FAAP24: variants seen among roughly 807,000 people sequenced by gnomAD.
FAAP24 encodes the protein FA core complex associated protein 24, also known as Fanconi anemia core complex-associated protein 24.
Under a neutral mutation model 14.3 loss-of-function variants are expected in FAAP24, and 16 were observed. The ratio of observed to expected loss-of-function variants is 1.12; its 90% CI spans 0.76 to 1.69. The LOEUF (loss-of-function observed/expected upper bound fraction) is 1.69, where lower values mean the gene tolerates loss of function less well. FAAP24 is among the 40% of genes most tolerant of loss of function. The pLI is 0.00. For missense variants in FAAP24, 234 were observed against 262.7 expected (o/e 0.89, Z 0.75); for synonymous variants, 111 against 106.2 (o/e 1.04, Z -0.28).
intron 1 of FAAP24, among the ~76,000 whole-genome samples, chr19:32,972,890 A>G (rs1227476090): frequency 6.6e-6 from 1 of 150,492 alleles, no homozygotes. Flanking sequence ...ATTTTTTTGT[A>G]TTTTTAGTAG....
At chr19:32,972,469 A>G (rs1000548613) in intron 1 of FAAP24, 123 bp downstream of exon 1, 3 of 398,442 alleles carry the variant, frequency 7.5e-6, no homozygotes, top group African/African-American at 4.1e-5. Context: ...GGCAAACGGG[A>G]TCTCGCTGTA....
chr19:32,974,235 T>G, intron 4 of FAAP24, 23 bp downstream of exon 4: 1 of 1,606,014 alleles, frequency 6.2e-7, no homozygotes, highest in Non-Finnish European at 8.5e-7. Flanking sequence ...TCCTACACCT[T>G]CGTGGTAGTC....
At chr19:32,976,216 A>C (rs1971514377) in intron 4 of FAAP24, among the ~76,000 whole-genome samples, 1 of 152,242 alleles carries the variant, frequency 6.6e-6, no homozygotes, top group South Asian at 2.1e-4. Context: ...GAAAACGCAC[A>C]TTTTTGTAAA....
rs1332244948 is a variant in FAAP24, at chr19:32,977,663, G to A, written c.*981G>A. The stretch of plus-strand genomic sequence containing the variant: ...CGGCCGGGCATAGTGGCTCACACCT[G>A]TAATCCCAGCACTTTGGGAGGCCAA... On this transcript the variant is annotated 3_prime_UTR_variant, in exon 5 of 5. Transcript: ENST00000588258. 2.6e-6 allele frequency: 1 copy of A among 378,308 alleles called. No individual in the cohort carries two copies. The highest frequency in any genetic ancestry group is 4.7e-6 in the Non-Finnish European group (1 of 214,356). The allele number at this position is 378,308 out of a possible 1,614,324, so 23.4% of individuals were successfully genotyped here. A position where few individuals can be genotyped will look rare whatever the true frequency, so the allele number is the denominator to read the frequency against.
Position 32,976,719 on chromosome 19 carries a change from C to T in FAAP24, c.*37C>T. The T allele has an allele frequency of 6.2e-7, 1 of 1,604,322 alleles. No individual in the cohort carries two copies. Among genetic ancestry groups the T allele is most frequent in the South Asian group, 1.1e-5 (1 of 90,704 alleles). On this transcript the variant is annotated 3_prime_UTR_variant, in exon 5 of 5. Transcript: ENST00000588258. ...AGGGCCACGGCATCTTCTCCTGAGACCACAAACACCAGGATCTTGTTTTCA... is the reference window on the plus strand; with the variant it reads ...AGGGCCACGGCATCTTCTCCTGAGATCACAAACACCAGGATCTTGTTTTCA...
In FAAP24 at chr19:32,977,179, C is replaced by T. The variant is rs1204287425; in HGVS notation, c.*497C>T. On this transcript the variant is annotated 3_prime_UTR_variant, in exon 5 of 5. Transcript: ENST00000588258. ...AGTTCAGCTTGTGAAGTTAGTGGGC[C>T]GCAGAGGGCACTGCCTTCATTCTGC... 5.0e-6 allele frequency: 2 copies of T among 400,546 alleles called. No individual in the cohort carries two copies. The highest frequency in any genetic ancestry group is 4.4e-6 in the Non-Finnish European group (1 of 227,328). 24.8% of individuals were successfully genotyped at this position (400,546 alleles called of 1,614,324 possible).
At chr19:32,974,299 T>C (rs1318127678) in intron 4 of FAAP24, 87 bp downstream of exon 4, 9 of 1,416,032 alleles carry the variant, frequency 6.4e-6, no homozygotes, top group Admixed American at 2.5e-5. Flanking sequence ...ATCCAATCTA[T>C]GTCATTCTCT....
rs552392470 is a variant in FAAP24 at position 32,974,968 on chromosome 19, C to T, written c.396+756C>T. On this transcript the variant is annotated intron_variant, in intron 4 of 4. Coordinates refer to ENST00000588258, the MANE Select transcript of FAAP24 (RefSeq NM_152266.5). ...TTGGCTCACTGCCATCTCCACCTCCCGGGTTCAAGCCATTCTTCTGCCTCA... is the reference window on the plus strand; with the variant it reads ...TTGGCTCACTGCCATCTCCACCTCCTGGGTTCAAGCCATTCTTCTGCCTCA... Among the ~76,000 whole-genome samples the T allele has an allele frequency of 1.9e-4, 29 of 151,676 alleles. 1 individual carries two copies. Among genetic ancestry groups the T allele is most frequent in the South Asian group, 4.2e-4 (2 of 4,770 alleles).
chr19:32,976,378 AC>A, intron 4 of FAAP24, 52 bp from the exon 5 acceptor site: 1 of 1,543,052 alleles, frequency 6.5e-7, no homozygotes, highest in Non-Finnish European at 8.7e-7. Flanking sequence ...TTTTAAGAAA[AC>A]GGCCAGTCCT....
At chr19:32,974,868 A>G (rs1180343959) in intron 4 of FAAP24, among the ~76,000 whole-genome samples, 1 of 40,078 alleles carries the variant, frequency 2.5e-5, no homozygotes, top group Non-Finnish European at 4.6e-5. Context: ...CACCTTGTGC[A>G]AGTTTTTTTT....
At chr19:32,972,540 A>C (rs11084687) in intron 1 of FAAP24, among the ~76,000 whole-genome samples, 194 bp downstream of exon 1, 1 of 151,696 alleles carries the variant, frequency 6.6e-6, no homozygotes, top group Non-Finnish European at 1.5e-5. Context: ...GCCTTGCCCA[A>C]TGTTGGGATT....
Position 32,976,977 on chromosome 19 carries a change from G to C in FAAP24, c.*295G>C, listed in dbSNP as rs1368028319. 3 of 486,942 alleles carry C rather than the reference G, an allele frequency of 6.2e-6. No individual in the cohort carries two copies. Among genetic ancestry groups the C allele is most frequent in the African/African-American group, 5.9e-5 (3 of 50,814 alleles). The allele number at this position is 486,942 out of a possible 1,614,324, so 30.2% of individuals were successfully genotyped here. ...AATCACTTGAACCCGGGAGGCGGAG[G>C]TTGCAGTGAGCTGAGATCGTGCCAC... On this transcript the variant is annotated 3_prime_UTR_variant, in exon 5 of 5. Transcript: ENST00000588258.
intron 3 of FAAP24, 24 bp from the exon 4 acceptor site, chr19:32,974,036 C>T (rs1213762643): frequency 6.2e-7 from 1 of 1,612,884 alleles, no homozygotes; most frequent in African/African-American, 1.3e-5. Context: ...TGCAAAATGA[C>T]TTACTGTCTT....
At chr19:32,975,664 G>A (rs1446403260) in intron 4 of FAAP24, among the ~76,000 whole-genome samples, 1 of 151,474 alleles carries the variant, frequency 6.6e-6, no homozygotes, top group Non-Finnish European at 1.5e-5. Context: ...CTCCATGTTG[G>A]TCAGGCTGGT....
Position 32,974,086 on chromosome 19 carries a change from C to G in FAAP24, c.270C>G (p.Val90=). The part of the protein sequence containing the change: ...RNSNNLKGIV[V]VEKTRMSEQY... ...CCAATAATCTTAAAGGAATTGTAGT[C>G]GTTGAAAAAACCCGGATGAGTGAAC... is the stretch of plus-strand genomic sequence containing the variant. Residue 90 remains valine (V), a synonymous_variant, in exon 4 of 5, where the codon GTC becomes GTG. Transcript: ENST00000588258. The G allele has an allele frequency of 6.2e-7, 1 of 1,613,958 alleles. No individual in the cohort carries two copies. Among genetic ancestry groups the G allele is most frequent in the Non-Finnish European group, 8.5e-7 (1 of 1,179,988 alleles).
At chr19:32,973,972 T>C (rs556081369) in intron 3 of FAAP24, 88 bp from the exon 4 acceptor site, 159 of 1,296,968 alleles carry the variant, frequency 1.2e-4, no homozygotes, top group South Asian at 4.4e-4. Context: ...TTTAAAATCA[T>C]TGGCCAGGTC....
chr19:32,973,692 T>C, intron 3 of FAAP24, 130 bp downstream of exon 3: 1 of 977,248 alleles, frequency 1.0e-6, no homozygotes, highest in Admixed American at 2.4e-5. Flanking sequence ...CTGTCTCTGC[T>C]AAAAATACAA....
In FAAP24 at chr19:32,973,558, G is replaced by T; in HGVS notation, c.239G>T (p.Arg80Ile). 1 of 1,614,128 alleles carries T rather than the reference G, an allele frequency of 6.2e-7. No homozygotes were observed. The highest frequency in any genetic ancestry group is 8.5e-7 in the Non-Finnish European group (1 of 1,179,994). ...NGYRKRLVRV[R>I]NSNNLKGIVV... ...TACAGAAAGAGGCTTGTTCGGGTTA[G>T]AAATGTAAGTATTAGGCTGGGTGCT... The change falls in exon 3 of 5, where the codon AGA becomes ATA. Residue 80 changes from arginine (R) to isoleucine (I), a missense_variant. Coordinates refer to ENST00000588258, the MANE Select transcript of FAAP24 (RefSeq NM_152266.5).
Position 32,976,843 on chromosome 19 carries a change from T to C in FAAP24, c.*161T>C. 1.1e-6 allele frequency: 1 copy of C among 874,932 alleles called. No individual in the cohort carries two copies. The highest frequency in any genetic ancestry group is 1.7e-6 in the Non-Finnish European group (1 of 589,492). 54.2% of individuals were successfully genotyped at this position (874,932 alleles called of 1,614,324 possible). A position where few individuals can be genotyped will look rare whatever the true frequency, so the allele number is the denominator to read the frequency against. ...ACAGCGGATCATCTGAGGTCAGGAG[T>C]TCAAGACCAGCCTGGCCAACATGGA... On this transcript the variant is annotated 3_prime_UTR_variant, in exon 5 of 5. Coordinates refer to ENST00000588258, the MANE Select transcript of FAAP24 (RefSeq NM_152266.5).
Sources: gnomAD v4.1 joint callset for allele counts (sites outside exome capture counted in the v4.1 genomes callset) on GRCh38, gnomAD v4.1.1 for gene constraint, MANE v1.5 for transcripts, NCBI Gene and HGNC (gene_info 2026-07-23, HGNC 2026-07-21) for gene names.